ATP11C: variants seen among roughly 807,000 people sequenced by gnomAD.
The protein encoded by ATP11C is phospholipid-transporting ATPase IG.
ATP11C carries 36 observed loss-of-function variants against 97.4 expected under a neutral mutation model. The observed-to-expected ratio is 0.37, with a 90% CI of 0.28 to 0.49. The LOEUF (loss-of-function observed/expected upper bound fraction) is 0.49. Among genes scored for constraint, ATP11C ranks in the 20% least tolerant of loss-of-function variants. The probability of loss-of-function intolerance (pLI) is 0.98; values close to 1 mark genes in which losing one functional copy is unlikely to be tolerated. For synonymous variants in ATP11C, 275 were observed against 290.9 expected, an observed-to-expected ratio of 0.95 and a Z score of 0.56; for missense variants, 730 against 824.6, an observed-to-expected ratio of 0.89 and a Z score of 1.40.
chrX:139,815,089 T>C lies in ATP11C; in HGVS notation c.319-104A>G, dbSNP rs185745142. 124 of 430,421 alleles carry C rather than the reference T, an allele frequency of 2.9e-4. 1 individual carries two copies. In the South Asian group the frequency reaches 5.7e-3, roughly 20 times the overall value. 35.5% of individuals were successfully genotyped at this position (430,421 alleles called of 1,213,427 possible). A position where few individuals can be genotyped will look rare whatever the true frequency, so the allele number is the denominator to read the frequency against. On this transcript the variant is annotated intron_variant, in intron 4 of 29. Coordinates refer to ENST00000682941, the MANE Select transcript of ATP11C (RefSeq NM_001353812.2). ...AGTCAACACCAAATATTTATAATTATAGCATTAATTTAAACTCAGAATGCT... is the reference window on the plus strand; with the variant it reads ...AGTCAACACCAAATATTTATAATTACAGCATTAATTTAAACTCAGAATGCT...
At chrX:139,882,640 C>G (rs943037588) in intron 1 of ATP11C, among the ~76,000 whole-genome samples, 3 of 111,392 alleles carry the variant, frequency 2.7e-5, no homozygotes, top group Admixed American at 1.9e-4. Context: ...CCAGCTCTCC[C>G]CTATCCCCCC....
chrX:139,751,837 C>A (rs1166281027), intron 23 of ATP11C, among the ~76,000 whole-genome samples: 3 of 108,863 alleles, frequency 2.8e-5, no homozygotes, highest in South Asian at 4.0e-4. Flanking sequence ...GAAAGGGAAG[C>A]TTTTTGTGTA....
intron 1 of ATP11C, among the ~76,000 whole-genome samples, chrX:139,845,428 G>A (rs1025569143): frequency 5.4e-5 from 6 of 112,034 alleles, no homozygotes; most frequent in Admixed American, 3.8e-4. Context: ...TTTTTATCAG[G>A]AGAAGTCAGG....
At chrX:139,739,537 T>C (rs965217591) in intron 27 of ATP11C, among the ~76,000 whole-genome samples, 2 of 111,181 alleles carry the variant, frequency 1.8e-5, no homozygotes, top group Non-Finnish European at 3.8e-5. Flanking sequence ...AAGTTTATAT[T>C]CATGCAGTGG....
At chrX:139,750,999 TC>T (rs1236871435) in intron 23 of ATP11C, among the ~76,000 whole-genome samples, 2 of 112,269 alleles carry the variant, frequency 1.8e-5, no homozygotes, top group African/African-American at 6.5e-5. Flanking sequence ...AATAAATAAT[TC>T]CCCATACTCA....
intron 1 of ATP11C, among the ~76,000 whole-genome samples, chrX:139,907,645 G>A (rs1162768968): frequency 9.1e-6 from 1 of 109,973 alleles, no homozygotes; most frequent in African/African-American, 3.3e-5. Context: ...CTACTTGAGA[G>A]GCTAAGGCAG....
intron 1 of ATP11C, among the ~76,000 whole-genome samples, chrX:139,904,421 G>C (rs1189193081): frequency 1.8e-5 from 2 of 110,669 alleles, no homozygotes; most frequent in Non-Finnish European, 3.8e-5. Context: ...CCAGCTACTC[G>C]GGAGGTTGAG....
At chrX:139,785,358 A>C in intron 15 of ATP11C, 59 bp from the exon 16 acceptor site, 1 of 839,149 alleles carries the variant, frequency 1.2e-6, no homozygotes, top group Non-Finnish European at 1.7e-6. Context: ...ATAAAGCACA[A>C]CAGAAATATG....
chrX:139,903,269 T>G (rs189491716), intron 1 of ATP11C, among the ~76,000 whole-genome samples: 24 of 111,773 alleles, frequency 2.1e-4, no homozygotes, highest in Admixed American at 2.0e-3. Context: ...TAGCCCTTGT[T>G]ACAGCATTTT....
chrX:139,924,074 G>C (rs1225983133), intron 1 of ATP11C: 3 of 369,404 alleles, frequency 8.1e-6, no homozygotes, highest in Admixed American at 5.1e-5. Flanking sequence ...ATGAGTATTA[G>C]GACTATGAGC....
chrX:139,839,566 G>T (rs2083797348), intron 1 of ATP11C, among the ~76,000 whole-genome samples: 1 of 110,886 alleles, frequency 9.0e-6, no homozygotes, highest in South Asian at 3.9e-4. Context: ...AGAGTATAGG[G>T]AGAGGGGAGA....
At chrX:139,806,489 C>T (rs1310101019) in intron 5 of ATP11C, among the ~76,000 whole-genome samples, 1 of 111,814 alleles carries the variant, frequency 8.9e-6, no homozygotes, top group Admixed American at 9.5e-5. Context: ...TGAGGAGAGA[C>T]AGGACAGATG....
At position 139,819,355 on chromosome X, in the gene ATP11C, T is replaced by C; in HGVS notation, c.220A>G (p.Ile74Val). The C allele has an allele frequency of 1.8e-6, 2 of 1,131,033 alleles. No homozygotes were observed. Among genetic ancestry groups the C allele is most frequent in the Non-Finnish European group, 2.4e-6 (2 of 842,752 alleles). 93.2% of individuals were successfully genotyped at this position (1,131,033 alleles called of 1,213,427 possible). A position where few individuals can be genotyped will look rare whatever the true frequency, so the allele number is the denominator to read the frequency against. Residue 74 changes from isoleucine (I) to valine (V), a missense_variant, in exon 3 of 30, where the codon ATA becomes GTA. Transcript: ENST00000682941. The stretch of plus-strand genomic sequence containing the variant: ...GCTCTTACCTGTACAAGGAAGATTA[T>C]GAGAAAATAAAAATTTGCAATTCTT... Reference protein sequence around the residue: ...FRRIANFYFLIIFLVQVTVDT... With the variant: ...FRRIANFYFLVIFLVQVTVDT...
Position 139,796,316 on chromosome X carries a change from C to T in ATP11C, c.1163G>A (p.Gly388Glu). The change falls in exon 12 of 30, where the codon GGA (glycine) becomes GAA (glutamate). Residue 388 changes from glycine (G) to glutamate (E), a missense_variant. By Grantham distance (98) the Gly-to-Glu change is moderately conservative (BLOSUM62 -2). Coordinates refer to ENST00000682941, the MANE Select transcript of ATP11C (RefSeq NM_001353812.2). ...KDFYDEEINE[G>E]ALVNTSDLNE... is the part of the protein sequence containing the mutation. ...AAGGTCTGATGTGTTAACCAGGGCTCCTTCATTAATTTCTTCATCATAAAA... is the reference window on the plus strand; with the variant it reads ...AAGGTCTGATGTGTTAACCAGGGCTTCTTCATTAATTTCTTCATCATAAAA... 8.3e-7 allele frequency: 1 copy of T among 1,207,455 alleles called. No homozygotes were observed. The highest frequency in any genetic ancestry group is 1.1e-6 in the Non-Finnish European group (1 of 893,316).
chrX:139,873,637 G>A (rs753575283), intron 1 of ATP11C, among the ~76,000 whole-genome samples: 4 of 101,147 alleles, frequency 4.0e-5, no homozygotes, highest in Non-Finnish European at 8.0e-5. Context: ...AACCTGGGAG[G>A]CAGAGGCTGC....
At chrX:139,768,842 G>A (rs773132402) in intron 19 of ATP11C, among the ~76,000 whole-genome samples, 7 of 105,129 alleles carry the variant, frequency 6.7e-5, no homozygotes, top group Non-Finnish European at 1.2e-4. Flanking sequence ...GTTTTAAGAG[G>A]AGAGCTGAGA....
rs140315105 is a variant in ATP11C at position 139,803,685 on chromosome X, C to CTTTTTT, written c.555+780_555+785dup. On this transcript the variant is annotated intron_variant, in intron 6 of 29. Coordinates refer to ENST00000682941, the MANE Select transcript of ATP11C (RefSeq NM_001353812.2). The stretch of plus-strand genomic sequence containing the variant: ...AAACATTTTCCAAACTACACCCTAT[C>CTTTTTT]TTTTTTTTTTTTTTTTTTTTTTTTT... 2.9e-3 allele frequency among the ~76,000 whole-genome samples: 112 copies of CTTTTTT among 38,271 alleles called. 12 individuals carry two copies. The highest frequency in any genetic ancestry group is 5.3e-3 in the African/African-American group (51 of 9,558). 33.2% of individuals were successfully genotyped at this position (38,271 alleles called of 115,157 possible).
chrX:139,772,161 A>C, intron 19 of ATP11C, among the ~76,000 whole-genome samples: 1 of 112,475 alleles, frequency 8.9e-6, no homozygotes, highest in East Asian at 2.8e-4. Context: ...GCCAACGTAG[A>C]GCTTAGGCCA....
intron 5 of ATP11C, among the ~76,000 whole-genome samples, chrX:139,811,006 T>C (rs1406411671): frequency 9.0e-6 from 1 of 111,439 alleles, no homozygotes; most frequent in African/African-American, 3.3e-5. Flanking sequence ...TCTCTTTCAT[T>C]CTTTGTAACC....
Sources: allele counts gnomAD v4.1 joint callset (sites outside exome capture counted in the v4.1 genomes callset), GRCh38; gene constraint gnomAD v4.1.1; transcripts MANE v1.5; gene names NCBI Gene and HGNC (gene_info 2026-07-23, HGNC 2026-07-21).